The following DCAF1 variants were observed in gnomAD, a reference collection of about 807,000 sequenced individuals.
DCAF1 encodes the protein DDB1- and CUL4-associated factor 1.
In DCAF1, 15 loss-of-function variants were observed where a neutral mutation model predicts 128.0. The observed-to-expected ratio is 0.12, with a 90% CI of 0.08 to 0.18. The LOEUF (loss-of-function observed/expected upper bound fraction) is 0.18. Ranked by LOEUF, DCAF1 falls within the 10% of genes least tolerant of loss-of-function variation. The pLI is 1.00. For synonymous variants in DCAF1, 610 were observed against 603.0 expected (o/e 1.01, Z -0.17); for missense variants, 988 against 1,649.5 (o/e 0.60, Z 6.95).
At chr3:51,480,598 C>CAAA (rs34527434) in intron 3 of DCAF1, among the ~76,000 whole-genome samples, 19 of 92,344 alleles carry the variant, frequency 2.1e-4, no homozygotes, top group South Asian at 1.7e-3. Flanking sequence ...GAGTCTGCCT[C>CAAA]AAAAAAAAAA....
chr3:51,423,356 C>G (rs1436280695), intron 13 of DCAF1, among the ~76,000 whole-genome samples: 2 of 151,382 alleles, frequency 1.3e-5, no homozygotes, highest in Non-Finnish European at 2.9e-5. Flanking sequence ...AAATAAATTA[C>G]CCAGGCTTAG....
intron 2 of DCAF1, among the ~76,000 whole-genome samples, chr3:51,496,080 T>C (rs1553660741): frequency 1.3e-5 from 2 of 150,152 alleles, no homozygotes; most frequent in Non-Finnish European, 1.5e-5. Context: ...TCACCTGAGG[T>C]TGGGAGTTCG....
At chr3:51,440,306 C>G in intron 9 of DCAF1, 1 of 335,818 alleles carries the variant, frequency 3.0e-6, no homozygotes, top group South Asian at 2.3e-5. Flanking sequence ...ACAGGCACAT[C>G]TCTGTCAATA....
At chr3:51,432,679 G>A (rs1422946466) in intron 10 of DCAF1, among the ~76,000 whole-genome samples, 15 of 152,200 alleles carry the variant, frequency 9.9e-5, no homozygotes, top group African/African-American at 3.1e-4. Flanking sequence ...GGCTGATCTT[G>A]AACTCCTGAC....
intron 6 of DCAF1, among the ~76,000 whole-genome samples, chr3:51,462,673 G>T (rs1443586784): frequency 6.7e-6 from 1 of 149,734 alleles, no homozygotes; most frequent in African/African-American, 2.5e-5. Flanking sequence ...TTAAGCCCGG[G>T]AGGCAGAGGT....
At chr3:51,429,539 A>C in intron 11 of DCAF1, 69 bp from the exon 12 acceptor site, 1 of 745,464 alleles carries the variant, frequency 1.3e-6, no homozygotes, top group Non-Finnish European at 2.5e-6. Context: ...AAATATTTAA[A>C]AAAGGGAAAA....
At chr3:51,442,840 A>AT (rs1405142685) in intron 7 of DCAF1, among the ~76,000 whole-genome samples, 20 of 152,180 alleles carry the variant, frequency 1.3e-4, no homozygotes, top group African/African-American at 4.3e-4. Flanking sequence ...AAAGAAAACT[A>AT]AACACCGCAT....
intron 23 of DCAF1, among the ~76,000 whole-genome samples, chr3:51,411,238 C>A (rs555371847): frequency 1.4e-4 from 21 of 151,684 alleles, no homozygotes; most frequent in Admixed American, 1.1e-3. Context: ...AGAAATGAAC[C>A]CAAGAACTGG....
At chr3:51,451,419 C>A (rs1292954445) in intron 6 of DCAF1, among the ~76,000 whole-genome samples, 1 of 151,890 alleles carries the variant, frequency 6.6e-6, no homozygotes, top group Non-Finnish European at 1.5e-5. Flanking sequence ...GAGTTCAAGA[C>A]CAGCCTGGGC....
upstream of DCAF1, among the ~76,000 whole-genome samples, chr3:51,503,066 C>T (rs1553664659): frequency 1.3e-5 from 2 of 152,148 alleles, no homozygotes; most frequent in African/African-American, 4.8e-5. Flanking sequence ...GCACATGGGT[C>T]CTGCACCATT....
chr3:51,499,268 C>A (rs1268118259), intron 1 of DCAF1, among the ~76,000 whole-genome samples: 1 of 152,240 alleles, frequency 6.6e-6, no homozygotes, highest in African/African-American at 2.4e-5. Flanking sequence ...TGACTCCAGG[C>A]TGCGGGACCC....
chr3:51,403,200 C>T lies in DCAF1; in HGVS notation c.4408G>A (p.Asp1470Asn). Reference sequence around the variant, plus strand: ...GCATCAGAGTCTTCATCCTCCCCGTCCTCTCCCTCCTCTAGAAGGTTTGCT... The same window carrying T: ...GCATCAGAGTCTTCATCCTCCCCGTTCTCTCCCTCCTCTAGAAGGTTTGCT... ...ELANLLEEGE[D>N]GEDEDSDADE... Residue 1470 changes from aspartate (D) to asparagine (N), a missense_variant, in exon 24 of 25, where the codon GAC becomes AAC. Physicochemically the swap from Asp to Asn is conservative, Grantham distance 23. This residue lies in a region of DCAF1 where 97 missense variants were observed against 134.5 expected (regional missense o/e 0.72). Transcript: ENST00000684031. 1 of 1,613,960 alleles carries T rather than the reference C, an allele frequency of 6.2e-7. No individual in the cohort carries two copies. Among genetic ancestry groups the T allele is most frequent in the Non-Finnish European group, 8.5e-7 (1 of 1,179,874 alleles).
chr3:51,416,933 C>T (rs1698936790), intron 17 of DCAF1, 62 bp from the exon 18 acceptor site: 2 of 1,552,490 alleles, frequency 1.3e-6, no homozygotes, highest in Admixed American at 1.9e-5. Context: ...CTGCAACCAA[C>T]TGAAACACAG....
chr3:51,424,854 G>C (rs1448303133), intron 13 of DCAF1, among the ~76,000 whole-genome samples: 1 of 152,158 alleles, frequency 6.6e-6, no homozygotes, highest in Non-Finnish European at 1.5e-5. Context: ...GGAGAATATG[G>C]TTCAAATTCA....
At position 51,441,748 on chromosome 3, in the gene DCAF1, C is replaced by T; in HGVS notation, c.663G>A (p.Met221Ile). 1.2e-6 allele frequency: 2 copies of T among 1,613,990 alleles called. No homozygotes were observed. Among genetic ancestry groups the T allele is most frequent in the Non-Finnish European group, 1.7e-6 (2 of 1,179,904 alleles). Reference sequence around the variant, plus strand: ...GGTCTCCATCCACTACATCTACAGCCATGTCACCATAGTCCATATCCACAG... The same window carrying T: ...GGTCTCCATCCACTACATCTACAGCTATGTCACCATAGTCCATATCCACAG... ...EEAVDMDYGD[M>I]AVDVVDGDQE... The change falls in exon 8 of 25, where the codon ATG becomes ATA. Residue 221 changes from methionine (M) to isoleucine (I), a missense_variant. By Grantham distance (10) the Met-to-Ile change is conservative. This residue lies in a region of DCAF1 where 210 missense variants were observed against 260.2 expected (regional missense o/e 0.81). Transcript: ENST00000684031.
intron 5 of DCAF1, 56 bp from the exon 6 acceptor site, chr3:51,463,283 G>C: frequency 1.7e-6 from 2 of 1,177,386 alleles, no homozygotes; most frequent in Non-Finnish European, 2.4e-6. Context: ...GTCAAATTAA[G>C]GACATCTAAT....
At position 51,469,133 on chromosome 3, in the gene DCAF1, T is replaced by C. The variant is rs1219450737; in HGVS notation, c.187+1796A>G. Among the ~76,000 whole-genome samples, 7 of 151,828 alleles carry C rather than the reference T, an allele frequency of 4.6e-5. No individual in the cohort carries two copies. The East Asian group carries it at 5.8e-4, about 13-fold the overall frequency. On this transcript the variant is annotated intron_variant, in intron 4 of 24. Coordinates refer to ENST00000684031, the MANE Select transcript of DCAF1 (RefSeq NM_001387579.1). Reference sequence around the variant, plus strand: ...CATGTGAGAACAAAAGTGTAAGAAATAGCAGTAAACCCTGGAACATTCAGG... The same window carrying C: ...CATGTGAGAACAAAAGTGTAAGAAACAGCAGTAAACCCTGGAACATTCAGG...
chr3:51,476,540 G>A (rs1705467918), intron 3 of DCAF1, among the ~76,000 whole-genome samples: 1 of 121,926 alleles, frequency 8.2e-6, no homozygotes. Context: ...AATCCATCTA[G>A]CAGAGTACTT....
rs1199384225 is a variant in DCAF1 at position 51,453,415 on chromosome 3, C to G, written c.376-9512G>C. 2.0e-4 allele frequency among the ~76,000 whole-genome samples: 30 copies of G among 149,278 alleles called. 1 individual carries two copies. The highest frequency in any genetic ancestry group is 2.0e-3 in the Admixed American group (30 of 15,042). ...GGCTGAGGCGGGAGGACTGCTTGAGCCCAAGAGTGTGAGACCAGCCTGGGC... is the reference window on the plus strand; with the variant it reads ...GGCTGAGGCGGGAGGACTGCTTGAGGCCAAGAGTGTGAGACCAGCCTGGGC... On this transcript the variant is annotated intron_variant, in intron 6 of 24. Transcript: ENST00000684031.
Sources: allele counts gnomAD v4.1 joint callset (sites outside exome capture counted in the v4.1 genomes callset), GRCh38; gene constraint gnomAD v4.1.1; regional missense constraint gnomAD v4.1.1; transcripts MANE v1.5; gene names NCBI Gene and HGNC (gene_info 2026-07-23, HGNC 2026-07-21).